The following ASZ1 variants were observed in gnomAD, a reference collection of about 807,000 sequenced individuals.
ASZ1 encodes the protein ankyrin repeat, SAM and basic leucine zipper domain-containing protein 1.
In ASZ1, 67 loss-of-function variants were observed where a neutral mutation model predicts 61.8. That is an observed-to-expected ratio of 1.08 (90% confidence interval 0.89 to 1.33). The LOEUF (loss-of-function observed/expected upper bound fraction) is 1.33, where lower values mean the gene tolerates loss of function less well. Among genes scored for constraint, ASZ1 ranks in the 40% most tolerant of loss-of-function variants. ASZ1 has a pLI of 0.00. For missense variants in ASZ1, 577 were observed against 554.5 expected (o/e 1.04, Z -0.41); for synonymous variants, 193 against 192.7 (o/e 1.00, Z -0.01).
intron 4 of ASZ1, among the ~76,000 whole-genome samples, chr7:117,393,357 T>G (rs970685915): frequency 2.6e-5 from 4 of 152,190 alleles, no homozygotes; most frequent in Non-Finnish European, 2.9e-5. Flanking sequence ...TCAAATATGA[T>G]TATAGATTTT....
intron 10 of ASZ1, among the ~76,000 whole-genome samples, chr7:117,374,802 G>C (rs1440186406): frequency 6.6e-6 from 1 of 151,982 alleles, no homozygotes; most frequent in African/African-American, 2.4e-5. Flanking sequence ...AGCTCTAGAG[G>C]CAAAAAATTT....
At chr7:117,420,348 A>G in intron 3 of ASZ1, 74 bp from the exon 4 acceptor site, 2 of 1,038,786 alleles carry the variant, frequency 1.9e-6, no homozygotes, top group South Asian at 2.9e-5. Flanking sequence ...ACCACTCAAA[A>G]CATTCTATTA....
chr7:117,423,689 C>CAAAAAAAAA (rs60144830), intron 2 of ASZ1, among the ~76,000 whole-genome samples: 159 of 74,582 alleles, frequency 2.1e-3, no homozygotes, highest in East Asian at 2.8e-3. Flanking sequence ...ACTAAAAATA[C>CAAAAAAAAA]AAAAAAAAAA....
chr7:117,411,185 G>C (rs1796882447), intron 4 of ASZ1, among the ~76,000 whole-genome samples: 1 of 151,620 alleles, frequency 6.6e-6, no homozygotes, highest in Non-Finnish European at 1.5e-5. Flanking sequence ...AAAAGGTCCA[G>C]GTAGATTTCC....
intron 5 of ASZ1, 60 bp from the exon 6 acceptor site, chr7:117,384,920 G>T: frequency 7.0e-7 from 1 of 1,419,950 alleles, no homozygotes; most frequent in Non-Finnish European, 9.3e-7. Context: ...AGACAGACAG[G>T]AAAAGTTTTC....
chr7:117,397,215 T>TGAACCGAACC (rs200117755), intron 4 of ASZ1, among the ~76,000 whole-genome samples: 10 of 151,190 alleles, frequency 6.6e-5, no homozygotes, highest in Admixed American at 1.3e-4. Flanking sequence ...GTCTCCGAAC[T>TGAACCGAACC]GAACCGAACC....
At chr7:117,368,044 G>T in intron 11 of ASZ1, 2 of 362,726 alleles carry the variant, frequency 5.5e-6, no homozygotes, top group Non-Finnish European at 7.7e-6. Flanking sequence ...ATCATGCCCA[G>T]CTAATTTTCA....
At chr7:117,381,802 C>T (rs1356426457) in intron 8 of ASZ1, among the ~76,000 whole-genome samples, 1 of 152,078 alleles carries the variant, frequency 6.6e-6, no homozygotes, top group East Asian at 1.9e-4. Flanking sequence ...TGAGCAACTA[C>T]AGAAACAAAC....
In ASZ1 at chr7:117,387,025, G is replaced by A. The variant is rs1360005033; in HGVS notation, c.441-1216C>T. On this transcript the variant is annotated intron_variant, in intron 4 of 12. Coordinates refer to ENST00000284629, the MANE Select transcript of ASZ1 (RefSeq NM_130768.3). ...TAAAAAAATATATACAACTAGCCAG[G>A]TGTGGTGGCTCAGGCCTGTAATCTT... Among the ~76,000 whole-genome samples the A allele has an allele frequency of 2.6e-5, 4 of 151,708 alleles. 1 individual carries two copies. The highest frequency in any genetic ancestry group is 5.9e-5 in the Non-Finnish European group (4 of 67,950).
chr7:117,385,607 C>T, intron 5 of ASZ1, 91 bp downstream of exon 5: 1 of 1,038,316 alleles, frequency 9.6e-7, no homozygotes, highest in East Asian at 2.6e-5. Flanking sequence ...ATATTCCAGC[C>T]CTTTTGTAAT....
chr7:117,381,067 C>T lies in ASZ1; in HGVS notation c.889G>A (p.Glu297Lys), dbSNP rs767169338. 3 of 1,579,488 alleles carry T rather than the reference C, an allele frequency of 1.9e-6. No homozygotes were observed. Among genetic ancestry groups the T allele is most frequent in the Non-Finnish European group, 2.6e-6 (3 of 1,162,262 alleles). The part of the protein sequence containing the change: ...GLEHMTDLLK[E>K]RDITLRHLLT... The stretch of plus-strand genomic sequence containing the variant: ...AGATGTCTTAACGTTATATCCCTTT[C>T]CTGTATAAAAGGAAAAAAAGGCCAC... The change falls in exon 9 of 13, where the codon GAA (glutamate) becomes AAA (lysine). Residue 297 changes from glutamate to lysine, a missense_variant and splice_region_variant. Glu to Lys is a moderately conservative substitution (Grantham distance 56). Coordinates refer to ENST00000284629, the MANE Select transcript of ASZ1 (RefSeq NM_130768.3).
intron 4 of ASZ1, among the ~76,000 whole-genome samples, chr7:117,387,307 T>TCAACAACAACAACAACAA (rs3034755): frequency 3.4e-5 from 5 of 147,270 alleles, no homozygotes; most frequent in African/African-American, 1.0e-4. Context: ...AGACCCTGTC[T>TCAACAACAACAACAACAA]CAACAACAAC....
At chr7:117,374,094 G>A (rs756882663) in intron 10 of ASZ1, among the ~76,000 whole-genome samples, 3 of 151,946 alleles carry the variant, frequency 2.0e-5, no homozygotes, top group Non-Finnish European at 4.4e-5. Flanking sequence ...GAAGAAGAAT[G>A]GAGAAATTGG....
chr7:117,401,766 A>C (rs1220310299), intron 4 of ASZ1, among the ~76,000 whole-genome samples: 1 of 152,150 alleles, frequency 6.6e-6, no homozygotes, highest in Non-Finnish European at 1.5e-5. Context: ...CATTCCAAGA[A>C]ATGGGCCAGG....
At chr7:117,409,815 T>C (rs1198753344) in intron 4 of ASZ1, among the ~76,000 whole-genome samples, 1 of 151,730 alleles carries the variant, frequency 6.6e-6, no homozygotes, top group East Asian at 1.9e-4. Flanking sequence ...AAGTGATGCT[T>C]CCAAGAAAGA....
At chr7:117,368,771 T>C (rs1795993114) in intron 10 of ASZ1, 54 bp from the exon 11 acceptor site, 1 of 1,598,388 alleles carries the variant, frequency 6.3e-7, no homozygotes, top group Non-Finnish European at 8.5e-7. Flanking sequence ...AGCAATTTAT[T>C]TCATTCTACT....
intron 2 of ASZ1, among the ~76,000 whole-genome samples, chr7:117,425,632 T>C (rs1294338317): frequency 6.6e-6 from 1 of 152,126 alleles, no homozygotes; most frequent in African/African-American, 2.4e-5. Context: ...AAGTTTTTTT[T>C]TTATTTAATA....
At chr7:117,426,783 C>G in intron 2 of ASZ1, 53 bp downstream of exon 2, 6 of 1,439,638 alleles carry the variant, frequency 4.2e-6, no homozygotes, top group Admixed American at 2.2e-5. Flanking sequence ...AATAAAGAAT[C>G]CTTGCGAACT....
chr7:117,383,177 C>G (rs1562849364), intron 6 of ASZ1, 67 bp from the exon 7 acceptor site: 29 of 1,377,378 alleles, frequency 2.1e-5, no homozygotes, highest in Non-Finnish European at 2.7e-5. Context: ...TTAAAAGAAA[C>G]TGAACATACG....
Sources: gnomAD v4.1 joint callset for allele counts (sites outside exome capture counted in the v4.1 genomes callset) on GRCh38, gnomAD v4.1.1 for gene constraint, MANE v1.5 for transcripts, NCBI Gene and HGNC (gene_info 2026-07-23, HGNC 2026-07-21) for gene names.